The following PTPRM variants were observed in gnomAD, a reference collection of about 807,000 sequenced individuals.
The protein encoded by PTPRM is protein tyrosine phosphatase receptor type M.
Under a neutral mutation model 186.7 loss-of-function variants are expected in PTPRM, and 47 were observed. That is an observed-to-expected ratio of 0.25 (90% confidence interval 0.20 to 0.32). PTPRM has a LOEUF of 0.32. Among genes scored for constraint, PTPRM ranks in the 10% least tolerant of loss-of-function variants. The pLI, the probability that PTPRM is intolerant of heterozygous loss-of-function variation, is 1.00. For synonymous variants in PTPRM, 668 were observed against 674.9 expected (o/e 0.99, Z 0.16); for missense variants, 1,494 against 1,865.0 (o/e 0.80, Z 3.66).
At chr18:8,164,614 T>C (rs1313333007) in intron 14 of PTPRM, among the ~76,000 whole-genome samples, 2 of 152,160 alleles carry the variant, frequency 1.3e-5, no homozygotes, top group African/African-American at 2.4e-5. Flanking sequence ...ACAAATACTG[T>C]ATCATTCCAC....
intron 14 of PTPRM, among the ~76,000 whole-genome samples, chr18:8,144,476 G>C (rs925490305): frequency 6.6e-6 from 1 of 152,048 alleles, no homozygotes; most frequent in Non-Finnish European, 1.5e-5. Context: ...ACAAAAATTT[G>C]TTGGGCGTGG....
At chr18:7,733,550 G>A (rs1480377064) in intron 1 of PTPRM, among the ~76,000 whole-genome samples, 1 of 152,156 alleles carries the variant, frequency 6.6e-6, no homozygotes, top group African/African-American at 2.4e-5. Context: ...AAACATACGT[G>A]TGCATGTGTC....
At chr18:7,984,600 TATACACACAC>T (rs1299161226) in intron 7 of PTPRM, among the ~76,000 whole-genome samples, 1 of 110,966 alleles carries the variant, frequency 9.0e-6, no homozygotes, top group African/African-American at 3.7e-5. Flanking sequence ...TATATATATA[TATACACACAC>T]ACACACACAC....
chr18:7,601,742 AAG>A (rs2037408488), intron 1 of PTPRM, among the ~76,000 whole-genome samples: 1 of 152,230 alleles, frequency 6.6e-6, no homozygotes, highest in Non-Finnish European at 1.5e-5. Flanking sequence ...AGCATTTTAC[AAG>A]TTTCAGGAGT....
At chr18:7,935,289 TCCATTA>T (rs915804560) in intron 5 of PTPRM, among the ~76,000 whole-genome samples, 6 of 152,158 alleles carry the variant, frequency 3.9e-5, no homozygotes, top group African/African-American at 1.4e-4. Context: ...TAAAATCACA[TCCATTA>T]TTGTTTTAGT....
At chr18:7,694,773 T>C (rs1271234759) in intron 1 of PTPRM, among the ~76,000 whole-genome samples, 2 of 152,178 alleles carry the variant, frequency 1.3e-5, no homozygotes, top group Middle Eastern at 3.4e-3. Context: ...AGGACCAAGA[T>C]ATAAGAATGG....
intron 14 of PTPRM, among the ~76,000 whole-genome samples, chr18:8,144,259 G>A (rs188758203): frequency 1.3e-4 from 20 of 152,266 alleles, no homozygotes; most frequent in Admixed American, 5.2e-4. Context: ...AAGAGAACCC[G>A]CAAAAACAGC....
intron 1 of PTPRM, among the ~76,000 whole-genome samples, chr18:7,753,429 T>G (rs1203980881): frequency 1.3e-5 from 2 of 152,176 alleles, no homozygotes; most frequent in Non-Finnish European, 2.9e-5. Context: ...ACATCTTGAT[T>G]TGAGTGCTAG....
At chr18:8,304,370 G>C (rs1267834106) in intron 20 of PTPRM, among the ~76,000 whole-genome samples, 4 of 152,264 alleles carry the variant, frequency 2.6e-5, no homozygotes, top group African/African-American at 9.6e-5. Flanking sequence ...ATGTACACGG[G>C]GGGAAAACCT....
chr18:7,957,057 TTC>T (rs997845454), intron 7 of PTPRM, among the ~76,000 whole-genome samples: 5 of 152,140 alleles, frequency 3.3e-5, no homozygotes, highest in African/African-American at 1.2e-4. Flanking sequence ...AATATATGGT[TTC>T]TCTCTCTCTC....
chr18:8,355,264 G>A (rs2095557454), intron 23 of PTPRM, among the ~76,000 whole-genome samples: 1 of 152,204 alleles, frequency 6.6e-6, no homozygotes. Context: ...CTGTGGAGTT[G>A]AGTGGAGGTT....
In PTPRM at chr18:7,884,350, T is replaced by A. The variant is rs184730440; in HGVS notation, c.197-3756T>A. On this transcript the variant is annotated intron_variant, in intron 2 of 32. Transcript: ENST00000580170. ...ACTGTAGAGGAAGGGAAAAAGGGAA[T>A]CTCACAGAGGAGTGTACCGCAGGGG... 3.1e-4 allele frequency among the ~76,000 whole-genome samples: 47 copies of A among 152,212 alleles called. 1 individual carries two copies. Among genetic ancestry groups the A allele is most frequent in the Admixed American group, 2.6e-3 (40 of 15,284 alleles).
chr18:7,672,130 C>T (rs1257953686), intron 1 of PTPRM, among the ~76,000 whole-genome samples: 12 of 152,118 alleles, frequency 7.9e-5, no homozygotes, highest in Admixed American at 5.9e-4. Context: ...AATCCATAGT[C>T]ATTGAAATGG....
intron 2 of PTPRM, among the ~76,000 whole-genome samples, chr18:7,794,974 G>A (rs1035358326): frequency 6.6e-6 from 1 of 152,138 alleles, no homozygotes; most frequent in African/African-American, 2.4e-5. Context: ...TCAGAGGACT[G>A]TTCCCAGTCT....
Position 8,167,891 on chromosome 18 carries a change from T to C in PTPRM, c.2300+24112T>C, listed in dbSNP as rs545283435. On this transcript the variant is annotated intron_variant, in intron 14 of 32. Transcript: ENST00000580170. Reference sequence around the variant, plus strand: ...TGAGATAAGTATTATCTTCCAGCGATGTCGCGAAGTGGCATGTTAAGCCTT... The same window carrying C: ...TGAGATAAGTATTATCTTCCAGCGACGTCGCGAAGTGGCATGTTAAGCCTT... Among the ~76,000 whole-genome samples the C allele has an allele frequency of 2.6e-5, 4 of 152,368 alleles. No homozygotes were observed. The South Asian group carries it at 8.3e-4, about 32-fold the overall frequency.
intron 1 of PTPRM, among the ~76,000 whole-genome samples, chr18:7,727,128 C>T (rs1035328188): frequency 6.6e-6 from 1 of 151,798 alleles, no homozygotes; most frequent in African/African-American, 2.4e-5. Flanking sequence ...TAATGACTTC[C>T]CTGTCACCAA....
intron 2 of PTPRM, among the ~76,000 whole-genome samples, chr18:7,808,210 A>G (rs2044331330): frequency 6.6e-6 from 1 of 152,282 alleles, no homozygotes; most frequent in Admixed American, 6.5e-5. Flanking sequence ...ATGGAATTCA[A>G]TTTTCCCTTT....
At chr18:7,660,601 A>T (rs1299567936) in intron 1 of PTPRM, among the ~76,000 whole-genome samples, 2 of 152,086 alleles carry the variant, frequency 1.3e-5, no homozygotes, top group African/African-American at 4.8e-5. Context: ...TTGAGATCAG[A>T]AGGTATGTCC....
intron 4 of PTPRM, among the ~76,000 whole-genome samples, chr18:7,907,121 A>G (rs902739722): frequency 1.1e-4 from 17 of 152,370 alleles, no homozygotes; most frequent in Non-Finnish European, 2.1e-4. Flanking sequence ...GGTGATAAAC[A>G]TACAATTTTT....
Sources: gnomAD v4.1 joint callset for allele counts (sites outside exome capture counted in the v4.1 genomes callset) on GRCh38, gnomAD v4.1.1 for gene constraint, MANE v1.5 for transcripts, NCBI Gene and HGNC (gene_info 2026-07-23, HGNC 2026-07-21) for gene names.